Variants in IFT57 observed in about 807,000 individuals in gnomAD.
IFT57 encodes the protein intraflagellar transport 57, also known as intraflagellar transport protein 57 homolog.
IFT57 carries 59 observed loss-of-function variants against 56.8 expected under a neutral mutation model. That is an observed-to-expected ratio of 1.04 (90% CI 0.84 to 1.29). IFT57 has a LOEUF of 1.29. Ranked by LOEUF, IFT57 falls within the 50% of genes most tolerant of loss-of-function variation. The pLI, the probability that IFT57 is intolerant of heterozygous loss-of-function variation, is 0.00. For synonymous variants in IFT57, 209 were observed against 186.1 expected, an observed-to-expected ratio of 1.12 and a Z score of -1.00; for missense variants, 470 against 522.1, an observed-to-expected ratio of 0.90 and a Z score of 0.97.
At position 108,171,212 on chromosome 3, in the gene IFT57, G is replaced by A. The variant is rs1397137528; in HGVS notation, c.778-3348C>T. Among the ~76,000 whole-genome samples, 3 of 151,972 alleles carry A rather than the reference G, an allele frequency of 2.0e-5. No homozygotes were observed. In the East Asian group the frequency reaches 5.8e-4, roughly 30 times the overall value. ...AATTATAATATATTAAAGCTGCAAA[G>A]AGCCTCAAAAAGCATCCAGTCTCAC... On this transcript the variant is annotated intron_variant, in intron 6 of 10. Transcript: ENST00000264538.
At chr3:108,205,884 T>C (rs2080307571) in intron 5 of IFT57, among the ~76,000 whole-genome samples, 1 of 134,750 alleles carries the variant, frequency 7.4e-6, no homozygotes, top group African/African-American at 2.8e-5. Context: ...TATATATTAA[T>C]ATATTTATAA....
intron 6 of IFT57, among the ~76,000 whole-genome samples, chr3:108,168,646 TC>T: frequency 6.6e-6 from 1 of 151,932 alleles, no homozygotes; most frequent in South Asian, 2.1e-4. Context: ...TCCCTCCCCA[TC>T]CCCCATCCCC....
At chr3:108,167,448 G>A (rs1015014002) in intron 7 of IFT57, among the ~76,000 whole-genome samples, 2 of 151,838 alleles carry the variant, frequency 1.3e-5, no homozygotes, top group African/African-American at 4.8e-5. Flanking sequence ...AGGACAGCAA[G>A]CCTGCGGAGG....
intron 5 of IFT57, among the ~76,000 whole-genome samples, chr3:108,193,933 G>A (rs966119437): frequency 1.2e-4 from 18 of 152,154 alleles, no homozygotes; most frequent in African/African-American, 4.3e-4. Context: ...AGACTAATGG[G>A]GGCTGGGGTA....
chr3:108,217,851 T>C (rs11918055), intron 3 of IFT57, among the ~76,000 whole-genome samples: 13,873 of 151,882 alleles, frequency 0.091, 699 homozygotes, highest in Middle Eastern at 0.11. Flanking sequence ...CTCTATAAAT[T>C]GAGTTTCCAA....
At chr3:108,166,768 T>A (rs890202678) in intron 8 of IFT57, 86 bp downstream of exon 8, 135 of 1,122,974 alleles carry the variant, frequency 1.2e-4, no homozygotes, top group Non-Finnish European at 1.6e-4. Flanking sequence ...AAGCATTTCA[T>A]GATTCTCAAA....
chr3:108,178,859 C>T (rs62262375), intron 6 of IFT57, among the ~76,000 whole-genome samples: 14,635 of 151,920 alleles, frequency 0.096, 767 homozygotes, highest in Middle Eastern at 0.12. Flanking sequence ...CACATACTTA[C>T]ACCATGACCT....
At position 108,162,563 on chromosome 3, in the gene IFT57, G is replaced by T. The variant is rs1373766200; in HGVS notation, c.1204C>A (p.Leu402Ile). ...IRIGIVEHTL[L>I]QSKLKEKSNM... ...GACTTCTCCTTCAGCTTTGATTGGAGTAGTGTGTGTTCCACAATGCCAATT... is the reference window on the plus strand; with the variant it reads ...GACTTCTCCTTCAGCTTTGATTGGATTAGTGTGTGTTCCACAATGCCAATT... Residue 402 changes from leucine (L) to isoleucine (I), a missense_variant, in exon 11 of 11, where the codon CTC becomes ATC. Leu to Ile is a conservative substitution (Grantham distance 5). Transcript: ENST00000264538. 6.2e-7 allele frequency: 1 copy of T among 1,612,922 alleles called. No homozygotes were observed. The highest frequency in any genetic ancestry group is 1.3e-5 in the African/African-American group (1 of 74,870).
chr3:108,180,798 A>T (rs1172749117), intron 6 of IFT57, among the ~76,000 whole-genome samples: 1 of 152,090 alleles, frequency 6.6e-6, no homozygotes, highest in Non-Finnish European at 1.5e-5. Flanking sequence ...CATATGACAA[A>T]GGCTTTATGC....
chr3:108,167,020 T>C, intron 7 of IFT57, 35 bp from the exon 8 acceptor site: 1 of 1,572,292 alleles, frequency 6.4e-7, no homozygotes, highest in Non-Finnish European at 8.6e-7. Flanking sequence ...ATAGAAGAAC[T>C]CACAAACATA....
chr3:108,204,506 G>A (rs1412496884), intron 5 of IFT57, among the ~76,000 whole-genome samples: 1 of 152,148 alleles, frequency 6.6e-6, no homozygotes. Context: ...TGTCCAGAAG[G>A]AATCCCAGGT....
At chr3:108,181,785 A>G (rs1359485980) in intron 6 of IFT57, among the ~76,000 whole-genome samples, 1 of 152,124 alleles carries the variant, frequency 6.6e-6, no homozygotes, top group Admixed American at 6.6e-5. Flanking sequence ...TTATTCCTGC[A>G]TTGAGCCACG....
intron 4 of IFT57, among the ~76,000 whole-genome samples, chr3:108,210,656 G>A (rs986742500): frequency 1.3e-5 from 2 of 151,650 alleles, no homozygotes; most frequent in Non-Finnish European, 2.9e-5. Context: ...CTTGAGCAAC[G>A]CCACAAACTC....
intron 4 of IFT57, 75 bp downstream of exon 4, chr3:108,213,856 A>G: frequency 2.5e-6 from 2 of 797,550 alleles, no homozygotes; most frequent in Non-Finnish European, 4.2e-6. Flanking sequence ...CAGATAATGG[A>G]AGTCTGGGGG....
chr3:108,207,781 C>G (rs11924228), intron 4 of IFT57, among the ~76,000 whole-genome samples: 1 of 152,092 alleles, frequency 6.6e-6, no homozygotes, highest in East Asian at 1.9e-4. Flanking sequence ...CGATGGCTCA[C>G]GCTTGTAATC....
chr3:108,179,679 ACTGT>A (rs2080141911), intron 6 of IFT57, among the ~76,000 whole-genome samples: 1 of 152,004 alleles, frequency 6.6e-6, no homozygotes, highest in Non-Finnish European at 1.5e-5. Context: ...AGAGAGTGAG[ACTGT>A]CTATTCAATT....
intron 6 of IFT57, among the ~76,000 whole-genome samples, chr3:108,171,869 A>T (rs1321868759): frequency 4.0e-5 from 6 of 151,838 alleles, no homozygotes; most frequent in African/African-American, 1.4e-4. Flanking sequence ...ACCAAGCTCA[A>T]GTATTTACAT....
intron 5 of IFT57, among the ~76,000 whole-genome samples, chr3:108,200,118 C>A (rs1243562752): frequency 2.0e-5 from 3 of 152,050 alleles, no homozygotes; most frequent in Non-Finnish European, 4.4e-5. Flanking sequence ...TATAAATGGA[C>A]CTGTAGGCAA....
intron 5 of IFT57, among the ~76,000 whole-genome samples, chr3:108,200,565 T>C (rs1174332604): frequency 1.3e-5 from 2 of 152,196 alleles, no homozygotes; most frequent in Non-Finnish European, 2.9e-5. Context: ...ATAATAAATA[T>C]CTGCTACTAG....
Sources: allele counts gnomAD v4.1 joint callset (sites outside exome capture counted in the v4.1 genomes callset), GRCh38; gene constraint gnomAD v4.1.1; transcripts MANE v1.5; gene names NCBI Gene and HGNC (gene_info 2026-07-23, HGNC 2026-07-21).